The following SNTG1 variants were observed in gnomAD, a reference collection of about 807,000 sequenced individuals.
SNTG1 encodes the protein syntrophin gamma 1.
SNTG1 carries 39 observed loss-of-function variants against 74.7 expected under a neutral mutation model. That is an observed-to-expected ratio of 0.52 (90% CI 0.40 to 0.68). The LOEUF (loss-of-function observed/expected upper bound fraction) is 0.68. SNTG1 is among the 30% of genes least tolerant of loss of function. The probability of loss-of-function intolerance (pLI) is 0.00; values close to 1 mark genes in which losing one functional copy is unlikely to be tolerated. For missense variants in SNTG1, 685 were observed against 609.5 expected (o/e 1.12, Z -1.30); for synonymous variants, 254 against 217.1 (o/e 1.17, Z -1.49).
At chr8:50,083,792 T>C (rs1431506736) in intron 1 of SNTG1, among the ~76,000 whole-genome samples, 1 of 152,210 alleles carries the variant, frequency 6.6e-6, no homozygotes, top group African/African-American at 2.4e-5. Context: ...GGTGGGATTA[T>C]GTTTGCTTAT....
chr8:50,375,499 A>C (rs2092359525), intron 2 of SNTG1, among the ~76,000 whole-genome samples: 1 of 152,108 alleles, frequency 6.6e-6, no homozygotes, highest in African/African-American at 2.4e-5. Flanking sequence ...AGCAATTGTG[A>C]GCATGAGTGT....
At chr8:50,134,940 G>T (rs2081425216) in intron 1 of SNTG1, among the ~76,000 whole-genome samples, 1 of 152,078 alleles carries the variant, frequency 6.6e-6, no homozygotes, top group Non-Finnish European at 1.5e-5. Flanking sequence ...GAAAAAAAGG[G>T]TCAAATAAAT....
intron 1 of SNTG1, among the ~76,000 whole-genome samples, chr8:50,103,548 T>C (rs2131252636): frequency 6.6e-6 from 1 of 152,312 alleles, no homozygotes; most frequent in South Asian, 2.1e-4. Context: ...CGAATACCCT[T>C]TATTTCCTTC....
chr8:50,567,225 G>C (rs2094521066), intron 12 of SNTG1, among the ~76,000 whole-genome samples: 1 of 152,194 alleles, frequency 6.6e-6, no homozygotes, highest in Admixed American at 6.5e-5. Flanking sequence ...AAGAGACAGA[G>C]AGGAGGCAGG....
intron 1 of SNTG1, among the ~76,000 whole-genome samples, chr8:50,147,257 G>A (rs970772319): frequency 2.0e-5 from 3 of 152,128 alleles, no homozygotes; most frequent in African/African-American, 4.8e-5. Flanking sequence ...TGTCAGAATG[G>A]AACGCAGACT....
intron 13 of SNTG1, among the ~76,000 whole-genome samples, chr8:50,607,269 A>G (rs2094819508): frequency 6.6e-6 from 1 of 151,654 alleles, no homozygotes; most frequent in Non-Finnish European, 1.5e-5. Flanking sequence ...TTTTCTGGAG[A>G]AGTTTGTGTA....
At chr8:50,759,093 C>T (rs2131729571) in intron 18 of SNTG1, among the ~76,000 whole-genome samples, 1 of 152,220 alleles carries the variant, frequency 6.6e-6, no homozygotes, top group African/African-American at 2.4e-5. Context: ...TGTCTGTTGG[C>T]TGCATAAATG....
Position 50,541,243 on chromosome 8 carries a change from C to G in SNTG1, c.680+4435C>G, listed in dbSNP as rs529831822. ...ACAAAATTCACCACTAAGATTTTAC[C>G]TGTGTGTGTGTGTGTGTGTGTGTGT... On this transcript the variant is annotated intron_variant, in intron 11 of 18. Transcript: ENST00000642720. 2.4e-3 allele frequency among the ~76,000 whole-genome samples: 343 copies of G among 143,058 alleles called. 1 individual carries two copies. Among genetic ancestry groups the G allele is most frequent in the South Asian group, 0.013 (56 of 4,478 alleles). The allele number at this position is 143,058 out of a possible 152,430, so 93.9% of individuals were successfully genotyped here. A position where few individuals can be genotyped will look rare whatever the true frequency, so the allele number is the denominator to read the frequency against.
At chr8:49,947,706 A>G (rs1179473079) in intron 1 of SNTG1, among the ~76,000 whole-genome samples, 2 of 152,194 alleles carry the variant, frequency 1.3e-5, no homozygotes, top group Non-Finnish European at 2.9e-5. Context: ...TGTAATTGTA[A>G]TGACCAGTTT....
intron 13 of SNTG1, among the ~76,000 whole-genome samples, chr8:50,628,371 A>G (rs2094971685): frequency 6.6e-6 from 1 of 152,156 alleles, no homozygotes; most frequent in African/African-American, 2.4e-5. Context: ...GATGCAAATC[A>G]TCTTATAGTT....
intron 12 of SNTG1, among the ~76,000 whole-genome samples, chr8:50,583,021 T>G (rs1417236255): frequency 2.6e-5 from 4 of 152,070 alleles, no homozygotes; most frequent in African/African-American, 4.8e-5. Context: ...ATATTTTATG[T>G]TCTTAAAAAA....
chr8:50,378,986 C>T (rs2092436074), intron 2 of SNTG1, among the ~76,000 whole-genome samples: 1 of 152,250 alleles, frequency 6.6e-6, no homozygotes, highest in South Asian at 2.1e-4. Context: ...AAGGTGGAGC[C>T]TTACCAGGGT....
chr8:50,588,308 C>T (rs2094667517), intron 12 of SNTG1, among the ~76,000 whole-genome samples: 1 of 152,058 alleles, frequency 6.6e-6, no homozygotes, highest in South Asian at 2.1e-4. Flanking sequence ...TAAATCTTAA[C>T]AAGGAATTAT....
At chr8:50,409,179 G>T (rs1324107767) in intron 4 of SNTG1, among the ~76,000 whole-genome samples, 1 of 152,128 alleles carries the variant, frequency 6.6e-6, no homozygotes, top group Admixed American at 6.5e-5. Context: ...GACATATTTA[G>T]CACATCTGAC....
At chr8:50,713,574 GC>G (rs1266585416) in intron 17 of SNTG1, among the ~76,000 whole-genome samples, 1 of 152,072 alleles carries the variant, frequency 6.6e-6, no homozygotes, top group African/African-American at 2.4e-5. Context: ...TGAAGTCTTT[GC>G]CCATGTCTGC....
chr8:50,266,345 T>C (rs2087464849), intron 2 of SNTG1, among the ~76,000 whole-genome samples: 1 of 152,070 alleles, frequency 6.6e-6, no homozygotes, highest in African/African-American at 2.4e-5. Flanking sequence ...AAAAATATTC[T>C]TTTCAGCAAC....
chr8:50,405,898 G>T lies in SNTG1; in HGVS notation c.162+3554G>T, dbSNP rs551922164. Among the ~76,000 whole-genome samples the T allele has an allele frequency of 6.6e-5, 10 of 152,082 alleles. No homozygotes were observed. The South Asian group carries it at 2.1e-3, about 32-fold the overall frequency. On this transcript the variant is annotated intron_variant, in intron 4 of 18. Transcript: ENST00000642720. ...AATCATGTGCCGTATATATAAGGGG[G>T]TATTTGTGGCCTCTCTATTCTAGTT...
intron 11 of SNTG1, among the ~76,000 whole-genome samples, chr8:50,546,061 A>T (rs554567617): frequency 6.6e-6 from 1 of 152,284 alleles, no homozygotes; most frequent in South Asian, 2.1e-4. Flanking sequence ...AGGTAGGAAG[A>T]AAAAGAAAAA....
chr8:50,569,524 A>C (rs982902740), intron 12 of SNTG1, among the ~76,000 whole-genome samples: 1 of 150,742 alleles, frequency 6.6e-6, no homozygotes, highest in Non-Finnish European at 1.5e-5. Context: ...AAAAAAAATC[A>C]AAAAACAAAA....
Sources: allele counts gnomAD v4.1 joint callset (sites outside exome capture counted in the v4.1 genomes callset), GRCh38; gene constraint gnomAD v4.1.1; transcripts MANE v1.5; gene names NCBI Gene and HGNC (gene_info 2026-07-23, HGNC 2026-07-21).